VWF: variants seen among roughly 807,000 people sequenced by gnomAD.
VWF encodes the protein von Willebrand factor.
In VWF, 176 loss-of-function variants were observed where a neutral mutation model predicts 308.6. The ratio of observed to expected loss-of-function variants is 0.57; its 90% CI spans 0.50 to 0.65. The LOEUF (loss-of-function observed/expected upper bound fraction) is 0.65. Among genes scored for constraint, VWF ranks in the 30% least tolerant of loss-of-function variants. The pLI is 0.00. For missense variants in VWF, 3,146 were observed against 3,648.2 expected, an observed-to-expected ratio of 0.86 and a Z score of 3.55; for synonymous variants, 1,385 against 1,443.4, an observed-to-expected ratio of 0.96 and a Z score of 0.92.
In VWF at chr12:6,022,004, G is replaced by A. The variant is rs372114325; in HGVS notation, c.3570C>T (p.Cys1190=). The change falls in exon 27 of 52, where the codon TGC becomes TGT. Residue 1190 remains cysteine, a synonymous_variant. Transcript: ENST00000261405. ...GKILDELLQT[C]VDPEDCPVCE... ...ACACTGGACAGTCTTCAGGGTCAACGCAGGTCTGCAAAAGCTCATCCAGGA... is the reference window on the plus strand; with the variant it reads ...ACACTGGACAGTCTTCAGGGTCAACACAGGTCTGCAAAAGCTCATCCAGGA... 1.9e-5 allele frequency: 31 copies of A among 1,614,134 alleles called. No individual in the cohort carries two copies. The highest frequency in any genetic ancestry group is 2.7e-5 in the African/African-American group (2 of 75,030).
In VWF at chr12:6,046,648, TC is replaced by T. The variant is rs2136442817; in HGVS notation, c.2281+74del. On this transcript the variant is annotated intron_variant, in intron 17 of 51. Coordinates refer to ENST00000261405, the MANE Select transcript of VWF (RefSeq NM_000552.5). The surrounding 1 kb of genome is among the most constrained non-coding windows in gnomAD (Gnocchi z 5.0). ...CGCACATCTGACGGTGTCACCCAGCTCTCTCCCGCCATTCCACACGTGAGGA... is the reference window on the plus strand; with the variant it reads ...CGCACATCTGACGGTGTCACCCAGCTTCTCCCGCCATTCCACACGTGAGGA... 7.0e-7 allele frequency: 1 copy of T among 1,427,304 alleles called. No homozygotes were observed. The highest frequency in any genetic ancestry group is 1.1e-5 in the South Asian group (1 of 87,246). The allele number at this position is 1,427,304 out of a possible 1,614,324, so 88.4% of individuals were successfully genotyped here.
chr12:6,121,328 A>G lies in VWF; in HGVS notation c.66T>C (p.Cys22=). 2.5e-6 allele frequency: 4 copies of G among 1,614,092 alleles called. No individual in the cohort carries two copies. Among genetic ancestry groups the G allele is most frequent in the Middle Eastern group, 3.3e-4 (2 of 6,060 alleles). Residue 22 remains cysteine, a synonymous_variant, in exon 3 of 52, where the codon TGT becomes TGC. Transcript: ENST00000261405. The part of the protein sequence containing the change: ...ALALILPGTL[C]AEGTRGRSST... ...ATGACCTGCCGCGAGTTCCTTCTGC[A>G]CAAAGGGTCCCTGGAGGGAGAGGCC...
chr12:6,000,811 C>CAAGAA (rs1943864373), intron 34 of VWF, among the ~76,000 whole-genome samples: 1 of 69,806 alleles, frequency 1.4e-5, no homozygotes, highest in Non-Finnish European at 2.6e-5. Flanking sequence ...GACTCTGTCT[C>CAAGAA]AAAAAAAAAA....
intron 14 of VWF, 47 bp downstream of exon 14, chr12:6,057,802 A>G: frequency 6.4e-7 from 1 of 1,559,328 alleles, no homozygotes; most frequent in Non-Finnish European, 8.7e-7. Flanking sequence ...TAATGTGGAG[A>G]CCTCGAGATT....
chr12:6,121,961 A>C (rs1467248062), intron 2 of VWF, among the ~76,000 whole-genome samples: 2 of 152,142 alleles, frequency 1.3e-5, no homozygotes, highest in East Asian at 3.9e-4. Context: ...AAAGAAAAGA[A>C]AAGACAAAGA....
At position 5,949,876 on chromosome 12, in the gene VWF, C is replaced by T. The variant is rs1193830108; in HGVS notation, c.8163G>A (p.Glu2721=). The change falls in exon 51 of 52, where the codon GAG becomes GAA. Residue 2721 remains glutamate (E), a synonymous_variant. Coordinates refer to ENST00000261405, the MANE Select transcript of VWF (RefSeq NM_000552.5). The part of the protein sequence containing the change: ...IPGTCCDTCE[E]PECNDITARL... ...TGGCAGTGATGTCGTTGCACTCAGG[C>T]TCCTCACCTACAGGACAGGTGAGAG... The T allele has an allele frequency of 6.2e-7, 1 of 1,613,380 alleles. No individual in the cohort carries two copies. The highest frequency in any genetic ancestry group is 1.7e-5 in the Admixed American group (1 of 59,998).
In VWF at chr12:6,060,754, C is replaced by T. The variant is rs1944646389; in HGVS notation, c.1533+2200G>A. Among the ~76,000 whole-genome samples, 1 of 152,174 alleles carries T rather than the reference C, an allele frequency of 6.6e-6. No homozygotes were observed. The highest frequency in any genetic ancestry group is 1.5e-5 in the Non-Finnish European group (1 of 68,028). On this transcript the variant is annotated intron_variant, in intron 13 of 51. Coordinates refer to ENST00000261405, the MANE Select transcript of VWF (RefSeq NM_000552.5). This position sits in a 1 kb window ranked among gnomAD's most constrained non-coding sequence, Gnocchi z 5.1. ...ATCCCCTCCCACAGAAAGAAGTTGG[C>T]TTCTCTTCTCCTCAGGGGAGAGACA...
chr12:5,970,119 T>C (rs1475574812), intron 44 of VWF, among the ~76,000 whole-genome samples: 4 of 152,108 alleles, frequency 2.6e-5, no homozygotes, highest in African/African-American at 9.7e-5. Context: ...AGCCATTCTC[T>C]TCACCCCCCA....
Position 6,026,082 on chromosome 12 carries a change from C to T in VWF, c.2968-36G>A, listed in dbSNP as rs370002370. On this transcript the variant is annotated intron_variant, in intron 22 of 51. Transcript: ENST00000261405. ...AAGTTGAGGGATGAGCACCGTCAAGCCCAGGAGCATGCTCTCCGGCTCAGG... is the reference window on the plus strand; with the variant it reads ...AAGTTGAGGGATGAGCACCGTCAAGTCCAGGAGCATGCTCTCCGGCTCAGG... 6.1e-5 allele frequency: 98 copies of T among 1,613,698 alleles called. 1 individual carries two copies. The highest frequency in any genetic ancestry group is 8.2e-5 in the Non-Finnish European group (97 of 1,179,760).
chr12:6,057,311 A>ATTTTTTTTTTCT lies in VWF; in HGVS notation c.1730-240_1730-239insAGAAAAAAAAAA, dbSNP rs1555198303. ...AAGGTCGAAGGACGGGGACTATGGAATTTTTTTTTTTTTTTTTTGGAGAGA... is the reference window on the plus strand; with the variant it reads ...AAGGTCGAAGGACGGGGACTATGGAATTTTTTTTTTCTTTTTTTTTTTTTTTTTTTGGAGAGA... On this transcript the variant is annotated intron_variant, in intron 14 of 51. Coordinates refer to ENST00000261405, the MANE Select transcript of VWF (RefSeq NM_000552.5). 1.2e-4 allele frequency among the ~76,000 whole-genome samples: 16 copies of ATTTTTTTTTTCT among 129,394 alleles called. No individual in the cohort carries two copies. In the South Asian group the frequency reaches 1.7e-3, roughly 14 times the overall value. 84.9% of individuals were successfully genotyped at this position (129,394 alleles called of 152,430 possible).
intron 6 of VWF, among the ~76,000 whole-genome samples, chr12:6,092,618 AGTGTGTGTGTGTGT>A (rs752209524): frequency 0.026 from 1,692 of 66,150 alleles, 39 homozygotes; most frequent in African/African-American, 0.025. Context: ...AGTGAGTGAG[AGTGTGTGTGTGTGT>A]GTGTGTGTGT....
Position 6,057,725 on chromosome 12 carries a change from G to C in VWF, c.1729+124C>G, listed in dbSNP as rs61233936. 79,148 of 1,175,438 alleles carry C rather than the reference G, an allele frequency of 0.067. 3,101 individuals carry two copies. Among genetic ancestry groups the C allele is most frequent in the African/African-American group, 0.13 (7,900 of 61,858 alleles). The allele number at this position is 1,175,438 out of a possible 1,614,324, so 72.8% of individuals were successfully genotyped here. A position where few individuals can be genotyped will look rare whatever the true frequency, so the allele number is the denominator to read the frequency against. On this transcript the variant is annotated intron_variant, in intron 14 of 51. Transcript: ENST00000261405. ...AGTGCTGACGGTAAAAACAAAGCCC[G>C]ACCCCTTTCCTCGCTCCCCGCCCCC...
chr12:6,039,469 C>G (rs184877611), intron 18 of VWF, among the ~76,000 whole-genome samples: 4 of 152,324 alleles, frequency 2.6e-5, no homozygotes, highest in Non-Finnish European at 5.9e-5. Flanking sequence ...CCCATCAGTA[C>G]TTTCAGGCCA....
At chr12:6,112,872 G>A (rs1426067153) in intron 3 of VWF, among the ~76,000 whole-genome samples, 3 of 81,232 alleles carry the variant, frequency 3.7e-5, no homozygotes, top group African/African-American at 7.9e-5. Context: ...CACACACCAT[G>A]CACACACATA....
chr12:6,104,150 A>G (rs925727255), intron 5 of VWF, among the ~76,000 whole-genome samples: 1 of 152,192 alleles, frequency 6.6e-6, no homozygotes, highest in East Asian at 1.9e-4. Flanking sequence ...AGACATACAA[A>G]TATCTGACAG....
chr12:6,002,568 T>TG (rs1943882272), intron 34 of VWF, among the ~76,000 whole-genome samples: 1 of 151,836 alleles, frequency 6.6e-6, no homozygotes, highest in South Asian at 2.1e-4. Context: ...TCTAGGAAAA[T>TG]GGAGATTAAC....
intron 14 of VWF, among the ~76,000 whole-genome samples, chr12:6,057,470 G>A (rs1363766295): frequency 8.1e-6 from 1 of 123,008 alleles, no homozygotes; most frequent in Non-Finnish European, 1.8e-5. Context: ...GCCCCACCAC[G>A]CCCGGCAAAT....
intron 6 of VWF, among the ~76,000 whole-genome samples, chr12:6,083,265 C>T (rs1250836316): frequency 3.3e-5 from 5 of 152,184 alleles, no homozygotes; most frequent in African/African-American, 9.7e-5. Context: ...CCACCCACCT[C>T]GGCCTCCCAA....
chr12:6,119,617 G>A (rs963585112), intron 3 of VWF, among the ~76,000 whole-genome samples: 7 of 152,148 alleles, frequency 4.6e-5, no homozygotes, highest in South Asian at 4.1e-4. Flanking sequence ...AGGCTGAGGC[G>A]GGTGGATCAC....
Sources: gnomAD v4.1 joint callset for allele counts (sites outside exome capture counted in the v4.1 genomes callset) on GRCh38, gnomAD v4.1.1 for gene constraint, Gnocchi (gnomAD v3.1) non-coding constraint, MANE v1.5 for transcripts, NCBI Gene and HGNC (gene_info 2026-07-23, HGNC 2026-07-21) for gene names.